The following DAB1 variants were observed in gnomAD, a reference collection of about 807,000 sequenced individuals.
DAB1 encodes DAB adaptor protein 1, also known as disabled homolog 1.
In DAB1, 15 loss-of-function variants were observed where a neutral mutation model predicts 64.6. The ratio of observed to expected loss-of-function variants is 0.23; its 90% CI spans 0.16 to 0.36. The LOEUF (loss-of-function observed/expected upper bound fraction) is 0.36. Among genes scored for constraint, DAB1 ranks in the 10% least tolerant of loss-of-function variants. The pLI is 1.00. For synonymous variants in DAB1, 235 were observed against 251.9 expected (o/e 0.93, Z 0.64); for missense variants, 596 against 706.7 (o/e 0.84, Z 1.78).
At chr1:57,438,389 G>C (rs559323084) in intron 7 of DAB1, among the ~76,000 whole-genome samples, 10 of 152,048 alleles carry the variant, frequency 6.6e-5, no homozygotes, top group Admixed American at 5.2e-4. Context: ...ACAAGATAGT[G>C]GTTTGTTTTT....
At chr1:58,106,768 G>T (rs1296900575) in intron 5 of DAB1, among the ~76,000 whole-genome samples, 1 of 151,990 alleles carries the variant, frequency 6.6e-6, no homozygotes, top group Non-Finnish European at 1.5e-5. Flanking sequence ...CTATAGAGCT[G>T]AATCTATATT....
At chr1:58,326,789 T>C (rs143063369) in intron 4 of DAB1, among the ~76,000 whole-genome samples, 232 of 152,300 alleles carry the variant, frequency 1.5e-3, no homozygotes, top group African/African-American at 5.2e-3. Flanking sequence ...TGGTCACTTA[T>C]TGTCTTCTGG....
intron 3 of DAB1, among the ~76,000 whole-genome samples, chr1:57,142,665 C>A (rs1270442821): frequency 6.6e-6 from 1 of 151,270 alleles, no homozygotes; most frequent in Non-Finnish European, 1.5e-5. Context: ...GCAGCCATTG[C>A]TAGGCCTAGT....
chr1:57,988,966 G>A (rs1646285341), intron 5 of DAB1, among the ~76,000 whole-genome samples: 1 of 152,068 alleles, frequency 6.6e-6, no homozygotes, highest in Admixed American at 6.6e-5. Flanking sequence ...TCAAGAACCT[G>A]GTTTTCTCTG....
intron 3 of DAB1, among the ~76,000 whole-genome samples, chr1:58,357,115 G>A (rs1203320156): frequency 6.6e-6 from 1 of 151,726 alleles, no homozygotes; most frequent in Non-Finnish European, 1.5e-5. Flanking sequence ...AGCAGGGAAT[G>A]GCCATGACAC....
At chr1:57,220,394 C>G (rs1490056734) in intron 2 of DAB1, among the ~76,000 whole-genome samples, 1 of 152,138 alleles carries the variant, frequency 6.6e-6, no homozygotes, top group African/African-American at 2.4e-5. Flanking sequence ...AAATGGAGAC[C>G]TGGATGGTAA....
At chr1:57,237,901 T>C (rs1173994943) in intron 2 of DAB1, among the ~76,000 whole-genome samples, 1 of 152,002 alleles carries the variant, frequency 6.6e-6, no homozygotes, top group Admixed American at 6.6e-5. Flanking sequence ...GACATAAAAT[T>C]AATGGAGAGG....
At chr1:57,549,477 T>C (rs562035613) in intron 7 of DAB1, among the ~76,000 whole-genome samples, 13 of 152,316 alleles carry the variant, frequency 8.5e-5, no homozygotes, top group Admixed American at 7.2e-4. Flanking sequence ...TTAGCAAACA[T>C]GATGACATCA....
intron 1 of DAB1, among the ~76,000 whole-genome samples, chr1:57,352,549 A>T (rs1050786770): frequency 6.6e-6 from 1 of 152,002 alleles, no homozygotes; most frequent in Non-Finnish European, 1.5e-5. Context: ...CTTCACAACC[A>T]CTCTATGGCA....
At chr1:58,032,954 T>A (rs139914485) in intron 5 of DAB1, among the ~76,000 whole-genome samples, 27 of 152,322 alleles carry the variant, frequency 1.8e-4, no homozygotes, top group African/African-American at 6.3e-4. Flanking sequence ...GTCACATTCA[T>A]CAGTCCAAAG....
At chr1:57,707,265 A>G (rs1646978934) in intron 6 of DAB1, among the ~76,000 whole-genome samples, 4 of 152,004 alleles carry the variant, frequency 2.6e-5, no homozygotes, top group Admixed American at 2.0e-4. Context: ...ATCACACAGT[A>G]TGTGACCTTT....
chr1:58,053,871 T>C (rs188264300), intron 5 of DAB1, among the ~76,000 whole-genome samples: 2 of 152,356 alleles, frequency 1.3e-5, no homozygotes, highest in South Asian at 2.1e-4. Context: ...GGGATTCCCA[T>C]GGTGTCAACC....
At chr1:58,027,696 T>C (rs1646914292) in intron 5 of DAB1, among the ~76,000 whole-genome samples, 1 of 152,278 alleles carries the variant, frequency 6.6e-6, no homozygotes, top group East Asian at 1.9e-4. Flanking sequence ...TCGGAGTCTC[T>C]AAAATGGCAA....
chr1:58,109,850 T>C (rs1364818265), intron 5 of DAB1, among the ~76,000 whole-genome samples: 1 of 151,462 alleles, frequency 6.6e-6, no homozygotes, highest in Non-Finnish European at 1.5e-5. Context: ...GTTTTGGAGA[T>C]AAATATTTTT....
chr1:57,005,122 C>T (rs564918873), intron 14 of DAB1, among the ~76,000 whole-genome samples: 1 of 152,250 alleles, frequency 6.6e-6, no homozygotes, highest in South Asian at 2.1e-4. Flanking sequence ...GCCCTTGTTC[C>T]TGGGGTCTTG....
chr1:58,448,832 C>T (rs941823127), intron 3 of DAB1, among the ~76,000 whole-genome samples: 1 of 152,208 alleles, frequency 6.6e-6, no homozygotes. Context: ...CACTGGACTG[C>T]ACAGCTGCCT....
At chr1:57,687,599 CAAAAA>C (rs57316234) in intron 6 of DAB1, among the ~76,000 whole-genome samples, 1 of 82,438 alleles carries the variant, frequency 1.2e-5, no homozygotes, top group African/African-American at 4.4e-5. Context: ...TCTTAAGAAA[CAAAAA>C]AAAAAAAAAA....
chr1:57,848,732 G>A (rs1305510686), intron 1 of DAB1, among the ~76,000 whole-genome samples: 1 of 152,224 alleles, frequency 6.6e-6, no homozygotes, highest in Admixed American at 6.5e-5. Context: ...AGTTGATTCT[G>A]AACTGCCCCA....
chr1:57,925,224 C>T (rs1644862617), intron 5 of DAB1, among the ~76,000 whole-genome samples: 1 of 152,180 alleles, frequency 6.6e-6, no homozygotes, highest in Non-Finnish European at 1.5e-5. Flanking sequence ...TGTTGAGTTT[C>T]ACTGTCACTC....
Sources: allele counts gnomAD v4.1 joint callset (sites outside exome capture counted in the v4.1 genomes callset), GRCh38; gene constraint gnomAD v4.1.1; transcripts MANE v1.5; gene names NCBI Gene and HGNC (gene_info 2026-07-23, HGNC 2026-07-21).